Variants in DNM3 observed in about 807,000 individuals in gnomAD.
DNM3 encodes the protein dynamin 3, also known as dynamin-3.
In DNM3, 47 loss-of-function variants were observed where a neutral mutation model predicts 101.6. That is an observed-to-expected ratio of 0.46 (90% CI 0.37 to 0.59). The LOEUF is 0.59. Among genes scored for constraint, DNM3 ranks in the 20% least tolerant of loss-of-function variants. DNM3 has a pLI of 0.00. For synonymous variants in DNM3, 385 were observed against 387.9 expected (o/e 0.99, Z 0.09); for missense variants, 849 against 1,085.7 (o/e 0.78, Z 3.06).
chr1:171,952,598 T>C lies in DNM3; in HGVS notation c.235+30777T>C, dbSNP rs77602845. 8.4e-3 allele frequency among the ~76,000 whole-genome samples: 1,280 copies of C among 152,176 alleles called. 18 individuals carry two copies. The highest frequency in any genetic ancestry group is 0.029 in the African/African-American group (1,221 of 41,506). ...CCCAGAGGGGATCCATTTCAATCGG[T>C]TGGGGAGGCTTAGGATTTTATTTTT... On this transcript the variant is annotated intron_variant, in intron 2 of 20. Transcript: ENST00000627582.
chr1:172,112,738 G>A (rs1359888295), intron 13 of DNM3, among the ~76,000 whole-genome samples: 1 of 152,154 alleles, frequency 6.6e-6, no homozygotes, highest in Admixed American at 6.5e-5. Flanking sequence ...CTTGCCACTT[G>A]TAAGCTGAAT....
intron 18 of DNM3, chr1:172,386,892 C>T (rs922138361): frequency 1.1e-5 from 5 of 454,708 alleles, no homozygotes; most frequent in Admixed American, 3.4e-5. Flanking sequence ...CCTTCTTCTA[C>T]TCATCTCTAT....
intron 2 of DNM3, among the ~76,000 whole-genome samples, chr1:171,925,352 C>T (rs1420797137): frequency 1.3e-5 from 2 of 150,972 alleles, no homozygotes; most frequent in Non-Finnish European, 3.0e-5. Context: ...CTCAGCCTCC[C>T]GAGTAGCTGG....
At chr1:172,344,915 G>T (rs78921089) in intron 17 of DNM3, among the ~76,000 whole-genome samples, 4 of 152,260 alleles carry the variant, frequency 2.6e-5, no homozygotes, top group Admixed American at 6.5e-5. Context: ...ATCACAAAAT[G>T]TGTTTTTCTA....
At chr1:172,412,947 T>C (rs2071295625), downstream of DNM3, among the ~76,000 whole-genome samples, 1 of 152,214 alleles carries the variant, frequency 6.6e-6, no homozygotes, top group African/African-American at 2.4e-5. Context: ...GTTTCTGATT[T>C]GATGTCATTA....
At chr1:172,063,645 G>C (rs2051422510) in intron 10 of DNM3, among the ~76,000 whole-genome samples, 1 of 151,690 alleles carries the variant, frequency 6.6e-6, no homozygotes, top group Non-Finnish European at 1.5e-5. Flanking sequence ...CTGGACTGGT[G>C]GTGGGCGCCT....
intron 14 of DNM3, among the ~76,000 whole-genome samples, chr1:172,222,762 A>G (rs2060955367): frequency 6.6e-6 from 1 of 152,156 alleles, no homozygotes. Flanking sequence ...ATAGAACATT[A>G]ACAGAGTTCT....
chr1:172,035,916 C>T (rs1371028153), intron 6 of DNM3, among the ~76,000 whole-genome samples: 1 of 152,024 alleles, frequency 6.6e-6, no homozygotes, highest in Non-Finnish European at 1.5e-5. Flanking sequence ...ATTCAGCTAA[C>T]CTCAGATAAA....
At chr1:172,401,011 T>C (rs2070443601) in intron 20 of DNM3, among the ~76,000 whole-genome samples, 2 of 152,210 alleles carry the variant, frequency 1.3e-5, no homozygotes, top group African/African-American at 4.8e-5. Flanking sequence ...CATAGTTAAC[T>C]TGTCTCTCTC....
In DNM3 at chr1:172,335,412, T is replaced by C. The variant is rs370574208; in HGVS notation, c.1893+12072T>C. Among the ~76,000 whole-genome samples the C allele has an allele frequency of 5.3e-5, 8 of 152,288 alleles. No homozygotes were observed. The East Asian group carries it at 1.5e-3, about 29-fold the overall frequency. On this transcript the variant is annotated intron_variant, in intron 17 of 20. Coordinates refer to ENST00000627582, the MANE Select transcript of DNM3 (RefSeq NM_015569.5). ...CAATTCATGTGAAGTGCTGAGAGGG[T>C]TATAATTATGATGAATTATAGAAGT... is the stretch of plus-strand genomic sequence containing the variant.
At chr1:172,249,646 CAGA>C (rs2062091744) in intron 14 of DNM3, among the ~76,000 whole-genome samples, 1 of 152,088 alleles carries the variant, frequency 6.6e-6, no homozygotes, top group South Asian at 2.1e-4. Flanking sequence ...TGAAAGTATG[CAGA>C]AGTTCTTTTA....
At chr1:172,101,613 G>A (rs963792568) in intron 13 of DNM3, among the ~76,000 whole-genome samples, 1 of 152,154 alleles carries the variant, frequency 6.6e-6, no homozygotes, top group Non-Finnish European at 1.5e-5. Context: ...ACTCTATGAG[G>A]TAGGTACCCC....
intron 20 of DNM3, among the ~76,000 whole-genome samples, chr1:172,390,102 G>A (rs1194910037): frequency 1.3e-5 from 2 of 152,126 alleles, no homozygotes; most frequent in African/African-American, 4.8e-5. Context: ...AAGCAAAGAG[G>A]ATATATACAC....
At chr1:172,052,248 T>C (rs1337742791) in intron 10 of DNM3, among the ~76,000 whole-genome samples, 1 of 152,214 alleles carries the variant, frequency 6.6e-6, no homozygotes, top group Non-Finnish European at 1.5e-5. Context: ...TCTGTTGAGA[T>C]AGTATTCCTG....
intron 14 of DNM3, among the ~76,000 whole-genome samples, chr1:172,156,351 A>G (rs979866449): frequency 6.6e-6 from 1 of 152,100 alleles, no homozygotes; most frequent in African/African-American, 2.4e-5. Flanking sequence ...TCCTATGGAC[A>G]ATGGCTCCTG....
chr1:172,142,578 T>C (rs920273156), intron 14 of DNM3, among the ~76,000 whole-genome samples: 4 of 152,112 alleles, frequency 2.6e-5, no homozygotes, highest in Non-Finnish European at 4.4e-5. Flanking sequence ...ATGTCCCTTC[T>C]ATCTCCAGAC....
intron 15 of DNM3, among the ~76,000 whole-genome samples, chr1:172,277,482 G>T (rs1401829624): frequency 6.6e-6 from 1 of 151,994 alleles, no homozygotes; most frequent in Non-Finnish European, 1.5e-5. Flanking sequence ...GTGAGTGTAG[G>T]AGTCTCTGTA....
In DNM3 at chr1:172,388,513, T is replaced by C. The variant is rs112272324; in HGVS notation, c.2286-60T>C. On this transcript the variant is annotated intron_variant, in intron 19 of 20. Transcript: ENST00000627582. Reference sequence around the variant, plus strand: ...AAAGCAGGAAGTTACAAAACATTTTTAGAGATTAATTCAGACAGAAAGGAG... The same window carrying C: ...AAAGCAGGAAGTTACAAAACATTTTCAGAGATTAATTCAGACAGAAAGGAG... 4.6e-4 allele frequency: 651 copies of C among 1,406,672 alleles called. 2 individuals are homozygous for C. The African/African-American group carries it at 8.3e-3, about 18-fold the overall frequency. The allele number at this position is 1,406,672 out of a possible 1,614,324, so 87.1% of individuals were successfully genotyped here.
intron 13 of DNM3, among the ~76,000 whole-genome samples, chr1:172,119,083 C>T (rs2056126117): frequency 6.6e-6 from 1 of 151,788 alleles, no homozygotes; most frequent in Non-Finnish European, 1.5e-5. Flanking sequence ...ACCTCCGCCT[C>T]CCGGGTTCAA....
Sources: gnomAD v4.1 joint callset for allele counts (sites outside exome capture counted in the v4.1 genomes callset) on GRCh38, gnomAD v4.1.1 for gene constraint, MANE v1.5 for transcripts, NCBI Gene and HGNC (gene_info 2026-07-23, HGNC 2026-07-21) for gene names.